GPHN: variants seen among roughly 807,000 people sequenced by gnomAD.
The protein encoded by GPHN is gephyrin.
GPHN carries 17 observed loss-of-function variants against 95.5 expected under a neutral mutation model. That is an observed-to-expected ratio of 0.18 (90% CI 0.12 to 0.27). GPHN has a LOEUF of 0.27. Ranked by LOEUF, GPHN falls within the 10% of genes least tolerant of loss-of-function variation. The pLI is 1.00. For missense variants in GPHN, 660 were observed against 978.1 expected (o/e 0.67, Z 4.34); for synonymous variants, 320 against 322.5 (o/e 0.99, Z 0.08).
the GPHN span, among the ~76,000 whole-genome samples, chr14:67,601,167 CTAAG>C: frequency 1.3e-5 from 2 of 152,256 alleles, no homozygotes; most frequent in Middle Eastern, 3.4e-3. Flanking sequence ...GGCGAAGTCT[CTAAG>C]TAAGAGGACA....
the GPHN span, among the ~76,000 whole-genome samples, chr14:67,573,035 T>C: frequency 6.6e-6 from 1 of 152,208 alleles, no homozygotes; most frequent in Admixed American, 6.5e-5. This position sits in a 1 kb window ranked among gnomAD's most constrained non-coding sequence, Gnocchi z 4.8. Context: ...TACCTTCTCA[T>C]AGTGAGGTCT....
chr14:67,159,138 C>G (rs368880864), intron 18 of GPHN, among the ~76,000 whole-genome samples: 2 of 152,126 alleles, frequency 1.3e-5, no homozygotes, highest in East Asian at 3.8e-4. Flanking sequence ...AATGTACTTT[C>G]TGTGAGGACA....
At chr14:66,516,263 C>CT (rs2058243418) in intron 1 of GPHN, among the ~76,000 whole-genome samples, 1 of 151,822 alleles carries the variant, frequency 6.6e-6, no homozygotes, top group African/African-American at 2.4e-5. Flanking sequence ...AGTGATCTAC[C>CT]TGCCTTAGCC....
intron 8 of GPHN, among the ~76,000 whole-genome samples, chr14:66,932,457 T>TG (rs915901188): frequency 3.6e-4 from 45 of 124,252 alleles, no homozygotes; most frequent in South Asian, 6.3e-4. Flanking sequence ...TTTTTTTTTT[T>TG]TTTTTTTTTT....
At chr14:67,684,951 G>A in the GPHN span, 1 of 1,434,008 alleles carries the variant, frequency 7.0e-7, no homozygotes, top group Non-Finnish European at 9.5e-7. Flanking sequence ...GGTATACCCA[G>A]ACAAACCCAA....
chr14:67,204,662 C>T, the GPHN span: 1 of 1,613,902 alleles, frequency 6.2e-7, no homozygotes, highest in Non-Finnish European at 8.5e-7. Flanking sequence ...AAACAGGACA[C>T]CTTGTTTTCT....
chr14:66,922,242 T>C (rs568328972), intron 6 of GPHN, among the ~76,000 whole-genome samples: 11 of 149,756 alleles, frequency 7.3e-5, no homozygotes, highest in Admixed American at 2.0e-4. Flanking sequence ...AGCTTTTGCA[T>C]AGCAAAAGGA....
At chr14:66,894,581 A>C (rs184871392) in intron 5 of GPHN, among the ~76,000 whole-genome samples, 27 of 152,320 alleles carry the variant, frequency 1.8e-4, no homozygotes, top group African/African-American at 6.3e-4. Flanking sequence ...GGCAGCCTAC[A>C]GAATGGGAGA....
chr14:67,599,921 A>T, the GPHN span: 2 of 936,392 alleles, frequency 2.1e-6, no homozygotes, highest in Non-Finnish European at 3.2e-6. Flanking sequence ...CTATCACTGT[A>T]GGAGGGGCCG....
chr14:67,036,615 T>C (rs1035230013), intron 10 of GPHN, among the ~76,000 whole-genome samples: 18 of 148,608 alleles, frequency 1.2e-4, no homozygotes, highest in African/African-American at 4.5e-4. Context: ...CAATAAAAAA[T>C]CAATTGCATT....
At chr14:67,003,963 G>A (rs1483942877) in intron 9 of GPHN, among the ~76,000 whole-genome samples, 1 of 151,652 alleles carries the variant, frequency 6.6e-6, no homozygotes, top group African/African-American at 2.4e-5. Flanking sequence ...ATCAGATGTG[G>A]TGAGCTATAA....
At position 66,885,838 on chromosome 14, in the gene GPHN, T is replaced by A. The variant is rs866616836; in HGVS notation, c.389+5805T>A. ...TTACACAGAACACTTTATAACAATT[T>A]AAAAAAAAAAAAAAGCAAACCCTAG... On this transcript the variant is annotated intron_variant, in intron 5 of 22. Transcript: ENST00000478722. 3.7e-3 allele frequency among the ~76,000 whole-genome samples: 508 copies of A among 137,874 alleles called. 9 individuals carry two copies. The highest frequency in any genetic ancestry group is 0.012 in the African/African-American group (447 of 38,732). 90.5% of individuals were successfully genotyped at this position (137,874 alleles called of 152,430 possible).
At chr14:67,443,861 A>G in the GPHN span, among the ~76,000 whole-genome samples, 2 of 152,198 alleles carry the variant, frequency 1.3e-5, no homozygotes, top group African/African-American at 4.8e-5. Flanking sequence ...GTACAGAGAA[A>G]TGTGAAAGGA....
At chr14:67,288,964 C>CTT in the GPHN span, among the ~76,000 whole-genome samples, 3 of 107,070 alleles carry the variant, frequency 2.8e-5, no homozygotes, top group South Asian at 3.1e-4. Flanking sequence ...TCTTTATTTC[C>CTT]TTTTTTTTTT....
At chr14:66,729,255 A>G (rs1021469098) in intron 2 of GPHN, among the ~76,000 whole-genome samples, 1 of 152,196 alleles carries the variant, frequency 6.6e-6, no homozygotes, top group African/African-American at 2.4e-5. Flanking sequence ...AAATGGACTA[A>G]TACATATCCC....
intron 1 of GPHN, among the ~76,000 whole-genome samples, chr14:66,615,579 T>C (rs565595139): frequency 1.8e-3 from 276 of 152,084 alleles, no homozygotes; most frequent in African/African-American, 6.5e-3. Flanking sequence ...TTTTTTCTTG[T>C]AAATTTGTTT....
At chr14:67,295,424 A>T in the GPHN span, among the ~76,000 whole-genome samples, 1 of 151,146 alleles carries the variant, frequency 6.6e-6, no homozygotes, top group Non-Finnish European at 1.5e-5. Context: ...CGGGAGGCAA[A>T]GGTTGCAGTG....
chr14:66,722,980 C>G (rs989028078), intron 2 of GPHN, among the ~76,000 whole-genome samples: 10 of 152,042 alleles, frequency 6.6e-5, no homozygotes, highest in African/African-American at 1.2e-4. Context: ...AAACCCACAT[C>G]CTTCATTCTT....
intron 1 of GPHN, among the ~76,000 whole-genome samples, chr14:66,540,341 C>G (rs970227351): frequency 1.3e-5 from 2 of 152,174 alleles, no homozygotes; most frequent in African/African-American, 4.8e-5. Context: ...AGGCCAAAGT[C>G]AGTGGAGCAG....
Sources: allele counts gnomAD v4.1 joint callset (sites outside exome capture counted in the v4.1 genomes callset), GRCh38; gene constraint gnomAD v4.1.1; non-coding constraint Gnocchi (gnomAD v3.1); transcripts MANE v1.5; gene names NCBI Gene and HGNC (gene_info 2026-07-23, HGNC 2026-07-21).